The following CDH2 variants were observed in gnomAD, a reference collection of about 807,000 sequenced individuals.
CDH2 encodes cadherin 2.
Under a neutral mutation model 92.0 loss-of-function variants are expected in CDH2, and 17 were observed. The observed-to-expected ratio is 0.18, with a 90% CI of 0.13 to 0.28. CDH2 has a LOEUF of 0.28. Ranked by LOEUF, CDH2 falls within the 10% of genes least tolerant of loss-of-function variation. CDH2 has a pLI of 1.00. For synonymous variants in CDH2, 419 were observed against 415.9 expected, an observed-to-expected ratio of 1.01 and a Z score of -0.09; for missense variants, 862 against 1,133.1, an observed-to-expected ratio of 0.76 and a Z score of 3.44.
chr18:28,036,531 A>G (rs1184027736), intron 2 of CDH2: 1 of 1,607,012 alleles, frequency 6.2e-7, no homozygotes, highest in Non-Finnish European at 8.5e-7. Context: ...TACACACATA[A>G]CGCCTTAATA....
At chr18:28,092,912 A>G (rs2015062551) in intron 2 of CDH2, among the ~76,000 whole-genome samples, 1 of 152,128 alleles carries the variant, frequency 6.6e-6, no homozygotes, top group African/African-American at 2.4e-5. Flanking sequence ...CTACATTTAC[A>G]TTTTGTGCTC....
chr18:28,079,007 T>C (rs17446337), intron 2 of CDH2, among the ~76,000 whole-genome samples: 3,674 of 152,318 alleles, frequency 0.024, 63 homozygotes, highest in East Asian at 0.054. Flanking sequence ...TAATGGGCTG[T>C]TGGTTCCTTA....
In CDH2 at chr18:27,985,702, T is replaced by C; in HGVS notation, c.1801A>G (p.Asn601Asp). 1 of 1,613,992 alleles carries C rather than the reference T, an allele frequency of 6.2e-7. No homozygotes were observed. The highest frequency in any genetic ancestry group is 8.5e-7 in the Non-Finnish European group (1 of 1,179,888). Residue 601 changes from asparagine to aspartate, a missense_variant, in exon 12 of 16, where the codon AAT becomes GAT. Physicochemically the swap from Asn to Asp is conservative, Grantham distance 23 (BLOSUM62 1). This residue lies in a region of CDH2 where 564 missense variants were observed against 722.2 expected (regional missense o/e 0.78). Coordinates refer to ENST00000269141, the MANE Select transcript of CDH2 (RefSeq NM_001792.5). ...LQIYLLDIND[N>D]APQVLPQEAE... Reference sequence around the variant, plus strand: ...TCTTGAGGTAACACTTGAGGGGCATTGTCATTAATATCAAGTAAATAGATC... The same window carrying C: ...TCTTGAGGTAACACTTGAGGGGCATCGTCATTAATATCAAGTAAATAGATC...
intron 11 of CDH2, among the ~76,000 whole-genome samples, chr18:27,986,804 A>C (rs1036618646): frequency 6.6e-6 from 1 of 152,172 alleles, no homozygotes; most frequent in African/African-American, 2.4e-5. Flanking sequence ...TTCCAACACC[A>C]CCATGACCAC....
At chr18:27,947,014 C>T (rs1380102720), downstream of CDH2, among the ~76,000 whole-genome samples, 1 of 151,664 alleles carries the variant, frequency 6.6e-6, no homozygotes, top group Non-Finnish European at 1.5e-5. Context: ...CAAAGCCTTC[C>T]TATTATAGTC....
intron 2 of CDH2, among the ~76,000 whole-genome samples, chr18:28,110,955 C>T (rs1428978195): frequency 2.6e-5 from 4 of 152,034 alleles, no homozygotes; most frequent in Non-Finnish European, 5.9e-5. Flanking sequence ...GTACATCAAG[C>T]TAAATGAGGT....
chr18:28,018,126 A>G (rs948528713), intron 2 of CDH2, among the ~76,000 whole-genome samples: 4 of 151,860 alleles, frequency 2.6e-5, no homozygotes, highest in Non-Finnish European at 5.9e-5. Context: ...CCAAGCTGAG[A>G]ATCAAATCAA....
At chr18:28,017,560 C>G (rs889547867) in intron 2 of CDH2, among the ~76,000 whole-genome samples, 1 of 151,934 alleles carries the variant, frequency 6.6e-6, no homozygotes, top group Non-Finnish European at 1.5e-5. Flanking sequence ...TTCAAATAAC[C>G]AGCTTTTTGT....
At chr18:27,958,684 T>C (rs988737403) in intron 15 of CDH2, among the ~76,000 whole-genome samples, 3 of 152,150 alleles carry the variant, frequency 2.0e-5, no homozygotes, top group Non-Finnish European at 4.4e-5. Context: ...TTTGACTTTG[T>C]CCCCACCCAA....
intron 2 of CDH2, among the ~76,000 whole-genome samples, chr18:28,101,098 C>T (rs186554414): frequency 7.9e-4 from 121 of 152,276 alleles, no homozygotes; most frequent in African/African-American, 2.8e-3. Flanking sequence ...CCAGTATACA[C>T]GATGATTTAA....
intron 1 of CDH2, among the ~76,000 whole-genome samples, chr18:28,171,106 C>T (rs574638604): frequency 1.3e-5 from 2 of 151,752 alleles, no homozygotes; most frequent in Non-Finnish European, 2.9e-5. Flanking sequence ...TGGTGGCACA[C>T]GTAATCCCAG....
At position 28,005,857 on chromosome 18, in the gene CDH2, G is replaced by A. The variant is rs1290459524; in HGVS notation, c.839C>T (p.Ser280Leu). Reference protein sequence around the residue: ...QVWNGTVPEGSKPGTYVMTVT... With the variant: ...QVWNGTVPEGLKPGTYVMTVT... Reference sequence around the variant, plus strand: ...ATTATCTTTAAACTTACCAGGCTTTGATCCCTCAGGAACTGTCCCATTCCA... The same window carrying A: ...ATTATCTTTAAACTTACCAGGCTTTAATCCCTCAGGAACTGTCCCATTCCA... Residue 280 changes from serine (S) to leucine (L), a missense_variant, in exon 6 of 16, where the codon TCA becomes TTA. By Grantham distance (145) the Ser-to-Leu change is moderately radical (BLOSUM62 -2). Around this residue, in one of 5 missense-constraint regions of CDH2, gnomAD observed 564 missense variants for 722.2 expected, o/e 0.78. Transcript: ENST00000269141. 2 of 1,609,872 alleles carry A rather than the reference G, an allele frequency of 1.2e-6. No individual in the cohort carries two copies. The highest frequency in any genetic ancestry group is 2.7e-5 in the African/African-American group (2 of 74,864).
chr18:27,933,480 T>C (rs144825064), intron 6 of CDH2, among the ~76,000 whole-genome samples: 77 of 152,286 alleles, frequency 5.1e-4, no homozygotes, highest in Admixed American at 1.6e-3. Context: ...CCTGAACCCC[T>C]ATAGCATGTC....
intron 1 of CDH2, among the ~76,000 whole-genome samples, chr18:28,176,524 G>A (rs1215321274): frequency 6.6e-6 from 1 of 152,164 alleles, no homozygotes; most frequent in Non-Finnish European, 1.5e-5. Flanking sequence ...AGACACCAGA[G>A]TGAGAATTCC....
intron 1 of CDH2, among the ~76,000 whole-genome samples, chr18:28,175,925 G>A (rs912320826): frequency 6.6e-6 from 1 of 152,196 alleles, no homozygotes; most frequent in East Asian, 1.9e-4. Context: ...CGCCCAGCTA[G>A]AGGGTCCCGG....
chr18:28,067,002 G>A (rs753220286), intron 2 of CDH2, among the ~76,000 whole-genome samples: 1 of 151,978 alleles, frequency 6.6e-6, no homozygotes, highest in Non-Finnish European at 1.5e-5. Context: ...ACTTCATAAC[G>A]TACAGGGGAA....
intron 2 of CDH2, among the ~76,000 whole-genome samples, chr18:28,107,085 C>T (rs1400977037): frequency 2.0e-5 from 3 of 152,080 alleles, no homozygotes; most frequent in Non-Finnish European, 4.4e-5. Context: ...CTAAAATATA[C>T]TACTATAGTC....
At chr18:28,008,526 A>C (rs777075124) in intron 5 of CDH2, among the ~76,000 whole-genome samples, 7 of 152,140 alleles carry the variant, frequency 4.6e-5, no homozygotes, top group Non-Finnish European at 1.0e-4. Flanking sequence ...GTTCTCATTC[A>C]TAGGTGGGAA....
chr18:28,080,902 C>T (rs2014816546), intron 2 of CDH2, among the ~76,000 whole-genome samples: 1 of 152,192 alleles, frequency 6.6e-6, no homozygotes, highest in Non-Finnish European at 1.5e-5. Flanking sequence ...AAACTTAGCA[C>T]CTATTAACTA....
Sources: gnomAD v4.1 joint callset for allele counts (sites outside exome capture counted in the v4.1 genomes callset) on GRCh38, gnomAD v4.1.1 for gene constraint, gnomAD v4.1.1 regional missense constraint, MANE v1.5 for transcripts, NCBI Gene and HGNC (gene_info 2026-07-23, HGNC 2026-07-21) for gene names.